Variants in CKAP5 observed in about 807,000 individuals in gnomAD.
CKAP5 encodes the protein cytoskeleton-associated protein 5.
A neutral mutation model predicts 232.8 loss-of-function variants in CKAP5; 27 were observed. That is an observed-to-expected ratio of 0.12 (90% CI 0.09 to 0.16). The LOEUF is 0.16. Among genes scored for constraint, CKAP5 ranks in the 10% least tolerant of loss-of-function variants. CKAP5 has a pLI of 1.00. For missense variants in CKAP5, 1,838 were observed against 2,424.7 expected (o/e 0.76, Z 5.08); for synonymous variants, 785 against 841.1 (o/e 0.93, Z 1.16).
At chr11:46,801,094 T>C (rs1292677828) in intron 9 of CKAP5, 106 bp downstream of exon 9, 1 of 718,330 alleles carries the variant, frequency 1.4e-6, no homozygotes, top group Non-Finnish European at 2.5e-6. Flanking sequence ...CTTTGTACAG[T>C]ATATACACAT....
At chr11:46,829,173 T>C (rs1014692271) in intron 1 of CKAP5, among the ~76,000 whole-genome samples, 2 of 152,222 alleles carry the variant, frequency 1.3e-5, no homozygotes, top group African/African-American at 4.8e-5. Context: ...ACGGGTTGAC[T>C]TGCATGTGAA....
chr11:46,795,531 C>T (rs1938850724), intron 13 of CKAP5, 63 bp downstream of exon 13: 2 of 1,364,568 alleles, frequency 1.5e-6, no homozygotes, highest in Non-Finnish European at 2.0e-6. Context: ...TTTAGAGGAA[C>T]AACCACGAAC....
At chr11:46,817,126 A>AG (rs1491524592) in intron 3 of CKAP5, among the ~76,000 whole-genome samples, 6 of 151,360 alleles carry the variant, frequency 4.0e-5, no homozygotes, top group African/African-American at 9.7e-5. Flanking sequence ...AAAAAAAAAA[A>AG]AGAGAGAGAG....
At chr11:46,840,432 A>G (rs370383402) in intron 1 of CKAP5, among the ~76,000 whole-genome samples, 2 of 152,332 alleles carry the variant, frequency 1.3e-5, no homozygotes, top group African/African-American at 4.8e-5. Context: ...ATAAGACCCC[A>G]TTAAAGGAGC....
At chr11:46,749,457 G>GA (rs951405505) in intron 42 of CKAP5, among the ~76,000 whole-genome samples, 30,810 of 76,718 alleles carry the variant, frequency 0.4, 5,090 homozygotes, top group East Asian at 0.66. Flanking sequence ...TCCGTCTCAA[G>GA]AAAAAAAAAA....
chr11:46,752,838 G>C (rs1352205669), intron 37 of CKAP5, 128 bp from the exon 38 acceptor site: 2 of 646,114 alleles, frequency 3.1e-6, no homozygotes, highest in Non-Finnish European at 5.4e-6. Context: ...ATCAGGAATT[G>C]TCCTGGACTA....
At chr11:46,753,992 T>C (rs960085564) in intron 36 of CKAP5, among the ~76,000 whole-genome samples, 9 of 152,070 alleles carry the variant, frequency 5.9e-5, no homozygotes, top group African/African-American at 1.9e-4. Context: ...GTGCTTCTAA[T>C]TGTGAAATTT....
chr11:46,828,316 G>A (rs969599612), intron 1 of CKAP5, among the ~76,000 whole-genome samples: 9 of 152,156 alleles, frequency 5.9e-5, no homozygotes, highest in Non-Finnish European at 1.3e-4. Context: ...GATTAAAACA[G>A]TCTGATTTTT....
chr11:46,818,224 AT>A, intron 3 of CKAP5, 85 bp downstream of exon 3: 2 of 1,044,108 alleles, frequency 1.9e-6, no homozygotes, highest in Non-Finnish European at 2.7e-6. Context: ...AAAACTGCTA[AT>A]AACTAAGGAC....
At chr11:46,749,217 G>C (rs1311577429) in intron 42 of CKAP5, among the ~76,000 whole-genome samples, 1 of 151,984 alleles carries the variant, frequency 6.6e-6, no homozygotes. Context: ...CACTTTGGGA[G>C]GCCAAGGTGG....
chr11:46,788,574 CA>C (rs879307241), intron 16 of CKAP5, 106 bp downstream of exon 16: 94,046 of 519,606 alleles, frequency 0.18, no homozygotes, highest in South Asian at 0.27. Context: ...AACTCCGTCT[CA>C]AAAAAAAAAA....
Position 46,750,530 on chromosome 11 carries a change from C to G in CKAP5, c.5542G>C (p.Glu1848Gln), listed in dbSNP as rs2065055276. The G allele has an allele frequency of 6.2e-7, 1 of 1,613,734 alleles. No homozygotes were observed. Among genetic ancestry groups the G allele is most frequent in the Admixed American group, 1.7e-5 (1 of 60,000 alleles). Residue 1848 changes from glutamate to glutamine, a missense_variant and splice_region_variant, in exon 41 of 44, where the codon GAG becomes CAG. Transcript: ENST00000529230. ...KKIGSKENTK[E>Q]GLAELYEYKK... is the part of the protein sequence containing the mutation. Reference sequence around the variant, plus strand: ...CTGCTTAACCCTTTCACTCTCACCTCTTTAGTGTTTTCTTTAGAGCCAATC... The same window carrying G: ...CTGCTTAACCCTTTCACTCTCACCTGTTTAGTGTTTTCTTTAGAGCCAATC...
chr11:46,788,797 G>C (rs761992525), intron 15 of CKAP5, 24 bp from the exon 16 acceptor site: 1 of 1,509,292 alleles, frequency 6.6e-7, no homozygotes, highest in Non-Finnish European at 9.1e-7. Context: ...AAGAGAATAA[G>C]AGTTTAAGGG....
chr11:46,823,190 C>T (rs1004339327), intron 1 of CKAP5, among the ~76,000 whole-genome samples: 2 of 152,282 alleles, frequency 1.3e-5, no homozygotes, highest in South Asian at 2.1e-4. Context: ...AGACTGGTCT[C>T]GAACTCCTGG....
chr11:46,813,888 A>T (rs1224403297), intron 4 of CKAP5, among the ~76,000 whole-genome samples: 1 of 152,040 alleles, frequency 6.6e-6, no homozygotes, highest in African/African-American at 2.4e-5. Flanking sequence ...TAATCCCAGC[A>T]CTTTGGGAGG....
At position 46,755,058 on chromosome 11, in the gene CKAP5, C is replaced by T. The variant is rs200352556; in HGVS notation, c.4699G>A (p.Val1567Ile). The change falls in exon 36 of 44, where the codon GTC becomes ATC. Residue 1567 changes from valine (V) to isoleucine (I), a missense_variant. Val to Ile is a conservative substitution (Grantham distance 29). Around this residue, in one of 6 missense-constraint regions of CKAP5, gnomAD observed 579 missense variants for 843.2 expected, o/e 0.69. Transcript: ENST00000529230. ...SIQALTQIDE[V>I]LRQEDKAEAM... ...TCAGCTTTGTCTTCCTGTCTCAGGA[C>T]CTCATCGATCTGATAACAAAAATTT... 6.3e-7 allele frequency: 1 copy of T among 1,597,224 alleles called. No individual in the cohort carries two copies. Among genetic ancestry groups the T allele is most frequent in the East Asian group, 2.2e-5 (1 of 44,480 alleles).
chr11:46,778,615 T>C lies in CKAP5; in HGVS notation c.2434-16A>G, dbSNP rs1294750944. 14 of 1,610,156 alleles carry C rather than the reference T, an allele frequency of 8.7e-6. No individual in the cohort carries two copies. Among genetic ancestry groups the C allele is most frequent in the Non-Finnish European group, 1.2e-5 (14 of 1,177,818 alleles). ...GTCCCTGCATCTATACACAAATGAA[T>C]GAGTAAGGCTAATGAAATTTATATA... On this transcript the variant is annotated splice_polypyrimidine_tract_variant and intron_variant, in intron 20 of 43. Coordinates refer to ENST00000529230, the MANE Select transcript of CKAP5 (RefSeq NM_001008938.4).
At chr11:46,801,686 T>A (rs547696278) in intron 8 of CKAP5, among the ~76,000 whole-genome samples, 19 of 151,876 alleles carry the variant, frequency 1.3e-4, no homozygotes, top group Non-Finnish European at 2.5e-4. Flanking sequence ...AAAAAAGAAC[T>A]CTGAAAGCTC....
intron 42 of CKAP5, 53 bp from the exon 43 acceptor site, chr11:46,744,630 A>G: frequency 6.5e-7 from 1 of 1,540,222 alleles, no homozygotes; most frequent in Non-Finnish European, 8.9e-7. Flanking sequence ...TCCCCCTTCT[A>G]AAGTGCCTTG....
Sources: allele counts gnomAD v4.1 joint callset (sites outside exome capture counted in the v4.1 genomes callset), GRCh38; gene constraint gnomAD v4.1.1; regional missense constraint gnomAD v4.1.1; transcripts MANE v1.5; gene names NCBI Gene and HGNC (gene_info 2026-07-23, HGNC 2026-07-21).